The following PNLIP variants were observed in gnomAD, a reference collection of about 807,000 sequenced individuals.
The protein encoded by PNLIP is pancreatic lipase.
A neutral mutation model predicts 57.1 loss-of-function variants in PNLIP; 49 were observed. The observed-to-expected ratio is 0.86, with a 90% CI of 0.68 to 1.09. The LOEUF is 1.09. PNLIP is among the 50% of genes least tolerant of loss of function. The pLI is 0.00. For missense variants in PNLIP, 503 were observed against 570.2 expected (o/e 0.88, Z 1.20); for synonymous variants, 209 against 200.4 (o/e 1.04, Z -0.36).
At chr10:116,561,427 A>T in intron 11 of PNLIP, 45 bp from the exon 12 acceptor site, 2 of 1,402,722 alleles carry the variant, frequency 1.4e-6, no homozygotes, top group Non-Finnish European at 2.0e-6. Flanking sequence ...GTATATATTT[A>T]CATGTATGCT....
At chr10:116,547,715 G>A (rs1342354773) in intron 3 of PNLIP, among the ~76,000 whole-genome samples, 4 of 114,604 alleles carry the variant, frequency 3.5e-5, no homozygotes. Flanking sequence ...GACACAGTGA[G>A]ACTCCATCTC....
intron 12 of PNLIP, among the ~76,000 whole-genome samples, chr10:116,566,263 A>G (rs1197236919): frequency 6.6e-6 from 1 of 152,232 alleles, no homozygotes; most frequent in Non-Finnish European, 1.5e-5. Context: ...ACTCAACAAT[A>G]TGGATGAATC....
At chr10:116,551,268 A>G (rs375572401) in intron 5 of PNLIP, 36 bp downstream of exon 5, 2 of 1,292,090 alleles carry the variant, frequency 1.5e-6, no homozygotes, top group Non-Finnish European at 1.0e-6. Context: ...GCCTGTACAC[A>G]TGGTTTTCCA....
At chr10:116,552,580 A>C (rs1247105151) in intron 5 of PNLIP, among the ~76,000 whole-genome samples, 1 of 152,218 alleles carries the variant, frequency 6.6e-6, no homozygotes, top group African/African-American at 2.4e-5. Flanking sequence ...CAAAAAGTTA[A>C]AAGTTTAAAA....
chr10:116,551,699 A>G (rs1288808080), intron 5 of PNLIP, among the ~76,000 whole-genome samples: 1 of 152,246 alleles, frequency 6.6e-6, no homozygotes, highest in Non-Finnish European at 1.5e-5. Context: ...TTGCTTCATC[A>G]TCTCTGGATA....
chr10:116,553,114 T>A (rs1298160267), intron 5 of PNLIP, among the ~76,000 whole-genome samples: 1 of 152,198 alleles, frequency 6.6e-6, no homozygotes, highest in Non-Finnish European at 1.5e-5. Context: ...AGAATTTTTT[T>A]ATTTTTTTTC....
At chr10:116,548,267 T>C in intron 3 of PNLIP, 93 bp from the exon 4 acceptor site, 2 of 1,198,148 alleles carry the variant, frequency 1.7e-6, no homozygotes, top group Non-Finnish European at 2.4e-6. Context: ...TCCTGAATCC[T>C]AGCAGTCTTC....
In PNLIP at chr10:116,560,305, AC is replaced by A. The variant is rs1295658745; in HGVS notation, c.1061-110del. 38 of 613,752 alleles carry A rather than the reference AC, an allele frequency of 6.2e-5. No individual in the cohort carries two copies. In the East Asian group the frequency reaches 9.8e-4, roughly 16 times the overall value. 38.0% of individuals were successfully genotyped at this position (613,752 alleles called of 1,614,324 possible). ...CACACACACACACACACACACACAC[AC>A]ACAATTATAAATAAATTATTCAAAA... On this transcript the variant is annotated intron_variant, in intron 10 of 12. Coordinates refer to ENST00000369221, the MANE Select transcript of PNLIP (RefSeq NM_000936.4).
intron 12 of PNLIP, among the ~76,000 whole-genome samples, chr10:116,565,712 C>T (rs1354545604): frequency 6.6e-6 from 1 of 152,112 alleles, no homozygotes; most frequent in Non-Finnish European, 1.5e-5. Flanking sequence ...CCACCTCGAC[C>T]TTCCAATACA....
intron 2 of PNLIP, among the ~76,000 whole-genome samples, chr10:116,547,011 G>A (rs1045818008): frequency 2.0e-5 from 3 of 152,208 alleles, no homozygotes; most frequent in Admixed American, 6.5e-5. Flanking sequence ...GCCCAAGGAA[G>A]ATATCTGAGT....
intron 5 of PNLIP, among the ~76,000 whole-genome samples, chr10:116,552,614 C>T (rs1027320849): frequency 9.9e-5 from 15 of 152,246 alleles, no homozygotes; most frequent in Admixed American, 3.3e-4. Flanking sequence ...TGGCCTGGCA[C>T]GGTGGCTCAC....
At chr10:116,553,294 G>A (rs183910942) in intron 5 of PNLIP, among the ~76,000 whole-genome samples, 126 of 152,246 alleles carry the variant, frequency 8.3e-4, no homozygotes, top group Admixed American at 1.6e-3. Flanking sequence ...TTGTAGAGAC[G>A]GGGTTTCACC....
rs376109385 is a variant in PNLIP at position 116,567,834 on chromosome 10, A to C, written c.*36A>C. ...TTATTTGACCAATGAATTGACTTCT[A>C]ATAAAATCTAGTGGTGATGCATTAC... On this transcript the variant is annotated 3_prime_UTR_variant, in exon 13 of 13. Transcript: ENST00000369221. 1.3e-6 allele frequency: 2 copies of C among 1,494,680 alleles called. No homozygotes were observed. The highest frequency in any genetic ancestry group is 2.8e-5 in the African/African-American group (2 of 72,642). The allele number at this position is 1,494,680 out of a possible 1,614,324, so 92.6% of individuals were successfully genotyped here.
chr10:116,550,959 A>G (rs980828482), intron 4 of PNLIP, 139 bp from the exon 5 acceptor site: 7 of 613,572 alleles, frequency 1.1e-5, no homozygotes, highest in African/African-American at 1.1e-4. Context: ...TAACAGACTA[A>G]AAGTTTTGTC....
chr10:116,555,686 A>G (rs1847246007), intron 8 of PNLIP, among the ~76,000 whole-genome samples, 179 bp downstream of exon 8: 1 of 152,218 alleles, frequency 6.6e-6, no homozygotes, highest in Non-Finnish European at 1.5e-5. Context: ...GAGACTGGGA[A>G]AGAAAGCGTA....
chr10:116,559,109 T>A, intron 9 of PNLIP, 45 bp from the exon 10 acceptor site: 1 of 1,593,008 alleles, frequency 6.3e-7, no homozygotes, highest in Non-Finnish European at 8.5e-7. Flanking sequence ...GGTACACAAC[T>A]AAAAGATAGG....
Position 116,548,354 on chromosome 10 carries a change from A to G in PNLIP, c.202-6A>G. The G allele has an allele frequency of 1.2e-6, 2 of 1,613,740 alleles. No homozygotes were observed. The highest frequency in any genetic ancestry group is 1.7e-6 in the Non-Finnish European group (2 of 1,179,764). ...ACTGACATGAAACACTTTTCTGTCT[A>G]AACAGGAAGTTGCCGCAGATTCATC... On this transcript the variant is annotated splice_region_variant and splice_polypyrimidine_tract_variant and intron_variant, in intron 3 of 12. Transcript: ENST00000369221.
chr10:116,563,352 T>A (rs1847333822), intron 12 of PNLIP, among the ~76,000 whole-genome samples: 1 of 152,162 alleles, frequency 6.6e-6, no homozygotes, highest in Admixed American at 6.5e-5. Context: ...CAATCAAAAG[T>A]TTCAAATTTC....
intron 4 of PNLIP, among the ~76,000 whole-genome samples, chr10:116,549,722 T>C (rs1796595270): frequency 6.6e-6 from 1 of 152,156 alleles, no homozygotes; most frequent in African/African-American, 2.4e-5. Flanking sequence ...TAGATATTTA[T>C]AGAACAGCAA....
Sources: gnomAD v4.1 joint callset for allele counts (sites outside exome capture counted in the v4.1 genomes callset) on GRCh38, gnomAD v4.1.1 for gene constraint, MANE v1.5 for transcripts, NCBI Gene and HGNC (gene_info 2026-07-23, HGNC 2026-07-21) for gene names.